PDE4B: variants seen among roughly 807,000 people sequenced by gnomAD.
The protein encoded by PDE4B is phosphodiesterase 4B, also known as 3',5'-cyclic-AMP phosphodiesterase 4B.
In PDE4B, 20 loss-of-function variants were observed where a neutral mutation model predicts 82.2. The observed-to-expected ratio is 0.24, with a 90% CI of 0.17 to 0.35. PDE4B has a LOEUF of 0.35. Among genes scored for constraint, PDE4B ranks in the 10% least tolerant of loss-of-function variants. PDE4B has a pLI of 1.00. For missense variants in PDE4B, 655 were observed against 907.2 expected (o/e 0.72, Z 3.57); for synonymous variants, 320 against 318.9 (o/e 1.00, Z -0.04).
At chr1:66,319,437 CCTAT>C (rs1659249385) in intron 7 of PDE4B, among the ~76,000 whole-genome samples, 1 of 152,196 alleles carries the variant, frequency 6.6e-6, no homozygotes, top group Non-Finnish European at 1.5e-5. Flanking sequence ...TTCTTAAGCT[CCTAT>C]CTTTTTCTAC....
intron 1 of PDE4B, among the ~76,000 whole-genome samples, chr1:65,902,156 G>A (rs1646978568): frequency 6.6e-6 from 1 of 151,960 alleles, no homozygotes; most frequent in Non-Finnish European, 1.5e-5. Flanking sequence ...AGTATGGTGG[G>A]TATGATCTTG....
At chr1:65,965,134 T>C (rs1454564970) in intron 3 of PDE4B, among the ~76,000 whole-genome samples, 3 of 152,024 alleles carry the variant, frequency 2.0e-5, no homozygotes, top group Non-Finnish European at 4.4e-5. Context: ...ATTACATTCC[T>C]GCCCTTTTAT....
intron 1 of PDE4B, among the ~76,000 whole-genome samples, chr1:65,911,335 G>A (rs1190424950): frequency 6.6e-6 from 1 of 152,048 alleles, no homozygotes; most frequent in African/African-American, 2.4e-5. Flanking sequence ...AACTCACTTA[G>A]AAAACCTTCT....
At chr1:66,187,089 A>G (rs1378872390) in intron 3 of PDE4B, among the ~76,000 whole-genome samples, 1 of 152,216 alleles carries the variant, frequency 6.6e-6, no homozygotes, top group East Asian at 1.9e-4. Flanking sequence ...TGTTGAGATA[A>G]TCATGTAGTT....
chr1:65,948,929 C>G (rs186139986), intron 3 of PDE4B, among the ~76,000 whole-genome samples: 1 of 152,036 alleles, frequency 6.6e-6, no homozygotes, highest in African/African-American at 2.4e-5. Context: ...TCTGCCGTCA[C>G]GTATCTCTTT....
intron 1 of PDE4B, among the ~76,000 whole-genome samples, chr1:65,794,002 G>A (rs1486359314): frequency 6.6e-6 from 1 of 152,176 alleles, no homozygotes; most frequent in African/African-American, 2.4e-5. Flanking sequence ...CGTGTATAAG[G>A]AGGAGCGCAC....
chr1:65,904,444 G>A (rs535910115), intron 1 of PDE4B, among the ~76,000 whole-genome samples: 8 of 152,022 alleles, frequency 5.3e-5, no homozygotes, highest in South Asian at 2.1e-4. Flanking sequence ...CACAATTTAC[G>A]TTTTCCAATT....
Position 66,359,630 on chromosome 1 carries a change from G to C in PDE4B, c.842-1985G>C, listed in dbSNP as rs547250067. Among the ~76,000 whole-genome samples, 13 of 152,310 alleles carry C rather than the reference G, an allele frequency of 8.5e-5. No individual in the cohort carries two copies. The South Asian group carries it at 2.3e-3, about 27-fold the overall frequency. ...TGCAGGGAATCTTTAATTAAACAAA[G>C]GGAAAAGGCTGCTGGTCCTACTAGA... is the stretch of plus-strand genomic sequence containing the variant. On this transcript the variant is annotated intron_variant, in intron 9 of 16. Transcript: ENST00000341517.
chr1:66,159,081 G>A (rs2101243083), intron 3 of PDE4B, among the ~76,000 whole-genome samples: 1 of 152,250 alleles, frequency 6.6e-6, no homozygotes. Flanking sequence ...AGCTACGAGA[G>A]AGAATTTTGA....
intron 7 of PDE4B, among the ~76,000 whole-genome samples, chr1:66,318,112 C>T (rs1337910951): frequency 3.3e-5 from 5 of 152,052 alleles, no homozygotes; most frequent in South Asian, 2.1e-4. Flanking sequence ...TGGGAATCAC[C>T]CCCAGGAGAT....
chr1:65,911,327 C>G (rs545283123), intron 1 of PDE4B, among the ~76,000 whole-genome samples: 1 of 152,276 alleles, frequency 6.6e-6, no homozygotes, highest in East Asian at 1.9e-4. Context: ...AGAAATTCAA[C>G]TCACTTAGAA....
chr1:66,164,535 C>CAAAAAAAAAAAAAAAAA (rs10718019), intron 3 of PDE4B, among the ~76,000 whole-genome samples: 46 of 48,558 alleles, frequency 9.5e-4, no homozygotes, highest in Admixed American at 1.4e-3. Context: ...GACTCCGTCT[C>CAAAAAAAAAAAAAAAAA]AAAAAAAAAA....
At chr1:66,053,748 A>C (rs1161271782) in intron 3 of PDE4B, among the ~76,000 whole-genome samples, 1 of 152,042 alleles carries the variant, frequency 6.6e-6, no homozygotes, top group African/African-American at 2.4e-5. Context: ...AATCCCAGCT[A>C]CTTGGGAGGC....
At chr1:66,191,070 C>G (rs1454666167) in intron 3 of PDE4B, among the ~76,000 whole-genome samples, 1 of 152,084 alleles carries the variant, frequency 6.6e-6, no homozygotes, top group Admixed American at 6.5e-5. Context: ...CATTATGTGT[C>G]TTCAAATAAT....
chr1:66,178,482 G>A (rs78567140), intron 3 of PDE4B, among the ~76,000 whole-genome samples: 3,913 of 152,202 alleles, frequency 0.026, 188 homozygotes, highest in East Asian at 0.24. Context: ...GCTAATGGCA[G>A]TGATTTTAAT....
intron 8 of PDE4B, among the ~76,000 whole-genome samples, chr1:66,347,152 G>T (rs1457427198): frequency 6.6e-6 from 1 of 152,162 alleles, no homozygotes; most frequent in African/African-American, 2.4e-5. Context: ...CATGTTTGCA[G>T]TAGAAGCTGC....
At chr1:66,072,165 A>G (rs957598270) in intron 3 of PDE4B, among the ~76,000 whole-genome samples, 7 of 152,094 alleles carry the variant, frequency 4.6e-5, no homozygotes, top group Admixed American at 1.3e-4. Context: ...TGCTTCTCCT[A>G]TAAAGAAAAT....
chr1:66,301,052 A>C (rs500541), intron 7 of PDE4B, among the ~76,000 whole-genome samples: 128,027 of 152,146 alleles, frequency 0.84, 54,423 homozygotes, highest in African/African-American at 0.96. Flanking sequence ...TACACATATG[A>C]GCATGCGGTG....
At chr1:66,302,963 C>T (rs181765655) in intron 7 of PDE4B, among the ~76,000 whole-genome samples, 2 of 152,272 alleles carry the variant, frequency 1.3e-5, no homozygotes, top group East Asian at 3.9e-4. Flanking sequence ...AGACCCAAGA[C>T]CTTGCTAGAT....
Sources: gnomAD v4.1 joint callset for allele counts (sites outside exome capture counted in the v4.1 genomes callset) on GRCh38, gnomAD v4.1.1 for gene constraint, MANE v1.5 for transcripts, NCBI Gene and HGNC (gene_info 2026-07-23, HGNC 2026-07-21) for gene names.